The following TG variants were observed in gnomAD, a reference collection of about 807,000 sequenced individuals.
The protein encoded by TG is thyroglobulin.
In TG, 270 loss-of-function variants were observed where a neutral mutation model predicts 324.7. The observed-to-expected ratio is 0.83, with a 90% CI of 0.75 to 0.92. The LOEUF (loss-of-function observed/expected upper bound fraction) is 0.92, where lower values mean the gene tolerates loss of function less well. Ranked by LOEUF, TG falls within the 40% of genes least tolerant of loss-of-function variation. The pLI, the probability that TG is intolerant of heterozygous loss-of-function variation, is 0.00. For synonymous variants in TG, 1,401 were observed against 1,327.0 expected (o/e 1.06, Z -1.21); for missense variants, 3,591 against 3,456.4 (o/e 1.04, Z -0.98).
chr8:133,122,515 C>T (rs912542499), intron 45 of TG, among the ~76,000 whole-genome samples: 6 of 152,214 alleles, frequency 3.9e-5, no homozygotes, highest in African/African-American at 1.2e-4. Context: ...ATTGCTCCAA[C>T]GTTATCCTAA....
chr8:132,868,447 C>A (rs1246837058), intron 2 of TG, among the ~76,000 whole-genome samples: 4 of 152,204 alleles, frequency 2.6e-5, no homozygotes, highest in Admixed American at 2.6e-4. Context: ...CCAAGTGAAC[C>A]CCAATCCATG....
At chr8:132,911,783 T>G (rs1413352009) in intron 19 of TG, among the ~76,000 whole-genome samples, 1 of 152,242 alleles carries the variant, frequency 6.6e-6, no homozygotes, top group Non-Finnish European at 1.5e-5. Context: ...CTTGATTTTC[T>G]GCGTGCAGAG....
chr8:132,923,419 G>A lies in TG; in HGVS notation c.4610G>A (p.Gly1537Asp). The A allele has an allele frequency of 1.9e-6, 3 of 1,614,166 alleles. No homozygotes were observed. Among genetic ancestry groups the A allele is most frequent in the South Asian group, 1.1e-5 (1 of 91,082 alleles). ...GQYRASQKDR[G>D]SGKAFCVDGE... ...TATCGAGCCAGCCAGAAGGACAGGG[G>A]CAGTGGGAAGGCCTTCTGTGTGGAC... The change falls in exon 22 of 48, where the codon GGC (glycine) becomes GAC (aspartate). Residue 1537 changes from glycine (G) to aspartate (D), a missense_variant. Coordinates refer to ENST00000220616, the MANE Select transcript of TG (RefSeq NM_003235.5).
At chr8:132,883,250 A>G (rs936658703) in intron 8 of TG, 2 of 518,790 alleles carry the variant, frequency 3.9e-6, no homozygotes, top group African/African-American at 2.2e-5. Context: ...AAGAAAAATA[A>G]AAGAGAATTG....
intron 34 of TG, among the ~76,000 whole-genome samples, chr8:132,978,103 G>A (rs1324169331): frequency 6.6e-6 from 1 of 152,218 alleles, no homozygotes; most frequent in African/African-American, 2.4e-5. Flanking sequence ...TTGGCTCATG[G>A]TTCTGCAGGC....
chr8:133,068,812 C>T (rs144918021), intron 41 of TG, among the ~76,000 whole-genome samples: 1 of 152,368 alleles, frequency 6.6e-6, no homozygotes, highest in East Asian at 1.9e-4. Context: ...TCTAGATAGA[C>T]TTTCTGTACA....
At chr8:132,950,068 C>G (rs897946308) in intron 27 of TG, among the ~76,000 whole-genome samples, 3 of 152,232 alleles carry the variant, frequency 2.0e-5, no homozygotes, top group African/African-American at 4.8e-5. Context: ...TGTGTTCTAA[C>G]AAGTGGTCCA....
chr8:132,942,423 A>T (rs914416265), intron 26 of TG, among the ~76,000 whole-genome samples: 2 of 152,198 alleles, frequency 1.3e-5, no homozygotes, highest in African/African-American at 4.8e-5. Context: ...CCACTATGTG[A>T]CTGGTCACAT....
At position 132,913,236 on chromosome 8, in the gene TG, G is replaced by T. The variant is rs965143153; in HGVS notation, c.4349G>T (p.Ser1450Ile). ...CSEGFYQVLTSEASQDGLGCV... is the reference protein window; with the variant it reads ...CSEGFYQVLTIEASQDGLGCV... ...GAAGGATTCTACCAAGTCTTGACAA[G>T]TGAGGCCAGTCAGGACGGACTGGGA... The change falls in exon 20 of 48, where the codon AGT (serine) becomes ATT (isoleucine). Residue 1450 changes from serine (S) to isoleucine (I), a missense_variant. Ser to Ile is a moderately radical substitution (Grantham distance 142). Transcript: ENST00000220616. 6.2e-7 allele frequency: 1 copy of T among 1,614,218 alleles called. No individual in the cohort carries two copies. Among genetic ancestry groups the T allele is most frequent in the Admixed American group, 1.7e-5 (1 of 60,024 alleles).
intron 41 of TG, among the ~76,000 whole-genome samples, chr8:133,068,141 G>A (rs1444528313): frequency 2.0e-5 from 3 of 152,178 alleles, no homozygotes. Context: ...ACAGGACAAG[G>A]GAAAGGCTCA....
intron 34 of TG, among the ~76,000 whole-genome samples, chr8:132,975,747 G>T (rs1461665966): frequency 6.6e-6 from 1 of 152,192 alleles, no homozygotes; most frequent in Non-Finnish European, 1.5e-5. Context: ...CAGAGAGGTT[G>T]TCACTTACTC....
At chr8:133,127,415 G>A (rs1312002383) in intron 45 of TG, among the ~76,000 whole-genome samples, 3 of 152,118 alleles carry the variant, frequency 2.0e-5, no homozygotes, top group Non-Finnish European at 4.4e-5. Flanking sequence ...TGAGCAGTGT[G>A]GCAGAGAGGT....
At chr8:133,028,631 C>T (rs1836326636) in intron 40 of TG, among the ~76,000 whole-genome samples, 1 of 152,130 alleles carries the variant, frequency 6.6e-6, no homozygotes, top group Non-Finnish European at 1.5e-5. Context: ...TATTATCACC[C>T]CCGTTTTACA....
intron 43 of TG, among the ~76,000 whole-genome samples, chr8:133,109,958 G>T (rs1850130219): frequency 6.6e-6 from 1 of 152,180 alleles, no homozygotes; most frequent in South Asian, 2.1e-4. Flanking sequence ...TTATGTATGA[G>T]AAAATGGTGC....
intron 40 of TG, among the ~76,000 whole-genome samples, chr8:133,022,389 A>C (rs1835646894): frequency 6.6e-6 from 1 of 152,184 alleles, no homozygotes; most frequent in Non-Finnish European, 1.5e-5. Flanking sequence ...AGTCCATTAC[A>C]GGTCTTATCT....
chr8:133,095,146 C>T lies in TG; in HGVS notation c.7342C>T (p.Gln2448Ter). The change falls in exon 42 of 48, where the codon CAA becomes TAA. Residue 2448 changes from glutamine to a stop codon, truncating the protein, a stop_gained. Transcript: ENST00000220616. LOFTEE classifies it high-confidence loss of function. Reference protein sequence around the residue: ...KEVSCPMSSSQEVVSCLRQKP... With the variant: ...KEVSCPMSSS ...GGTCAGTTGCCCCATGTCATCCAGC[C>T]AAGAAGTGGTGTCCTGCCTCCGCCA... The T allele has an allele frequency of 6.2e-7, 1 of 1,614,244 alleles. No homozygotes were observed. The highest frequency in any genetic ancestry group is 8.5e-7 in the Non-Finnish European group (1 of 1,180,036).
intron 41 of TG, chr8:133,038,661 T>A: frequency 6.2e-7 from 1 of 1,613,854 alleles, no homozygotes; most frequent in Non-Finnish European, 8.5e-7. Context: ...GAGGCAATGC[T>A]CTCTCGAAGG....
At chr8:132,968,110 G>A in intron 31 of TG, 140 bp downstream of exon 31, 2 of 1,041,526 alleles carry the variant, frequency 1.9e-6, no homozygotes, top group Non-Finnish European at 2.8e-6. Flanking sequence ...TGGGAACATG[G>A]ATCCAAACTT....
chr8:133,021,549 T>C (rs11778171), intron 39 of TG, among the ~76,000 whole-genome samples: 77,580 of 152,112 alleles, frequency 0.51, 21,624 homozygotes, highest in African/African-American at 0.74. Flanking sequence ...CTGCAAGCTG[T>C]GTGGCTTAAA....
Sources: allele counts gnomAD v4.1 joint callset (sites outside exome capture counted in the v4.1 genomes callset), GRCh38; gene constraint gnomAD v4.1.1; transcripts MANE v1.5; gene names NCBI Gene and HGNC (gene_info 2026-07-23, HGNC 2026-07-21).